ITGAE: variants seen among roughly 807,000 people sequenced by gnomAD.
The protein encoded by ITGAE is integrin alpha-E.
ITGAE carries 99 observed loss-of-function variants against 136.5 expected under a neutral mutation model. The ratio of observed to expected loss-of-function variants is 0.73; its 90% CI spans 0.62 to 0.86. ITGAE has a LOEUF of 0.86. ITGAE is among the 40% of genes least tolerant of loss of function. The pLI is 0.00. For missense variants in ITGAE, 1,447 were observed against 1,515.3 expected (o/e 0.95, Z 0.75); for synonymous variants, 613 against 591.8 (o/e 1.04, Z -0.52).
At chr17:3,773,124 T>C (rs1462578382) in intron 2 of ITGAE, among the ~76,000 whole-genome samples, 3 of 152,198 alleles carry the variant, frequency 2.0e-5, no homozygotes, top group Non-Finnish European at 4.4e-5. Context: ...TGGGACCCTT[T>C]CCTTGGGCTT....
chr17:3,723,586 A>G, intron 27 of ITGAE, 102 bp downstream of exon 27: 1 of 1,261,596 alleles, frequency 7.9e-7, no homozygotes, highest in Non-Finnish European at 1.1e-6. Context: ...AGCCCCCGGC[A>G]CTGGCCGGCA....
At chr17:3,774,937 C>T (rs1446884805) in intron 2 of ITGAE, among the ~76,000 whole-genome samples, 2 of 152,034 alleles carry the variant, frequency 1.3e-5, no homozygotes, top group Admixed American at 1.3e-4. Context: ...GCATATTTTA[C>T]TTACTTGCTT....
chr17:3,780,007 CTT>C (rs1353650683), intron 1 of ITGAE, among the ~76,000 whole-genome samples: 1 of 151,984 alleles, frequency 6.6e-6, no homozygotes, highest in Non-Finnish European at 1.5e-5. Flanking sequence ...GAGTTTCGCT[CTT>C]GTTGCCCAGG....
chr17:3,715,294 T>C (rs1209676808), intron 30 of ITGAE, among the ~76,000 whole-genome samples: 1 of 152,140 alleles, frequency 6.6e-6, no homozygotes, highest in African/African-American at 2.4e-5. Context: ...CAGAAGGAGA[T>C]CAAGTACAGC....
chr17:3,744,241 TC>T (rs1364910757), intron 18 of ITGAE, among the ~76,000 whole-genome samples: 1 of 152,050 alleles, frequency 6.6e-6, no homozygotes. Context: ...GAGTCAGAAG[TC>T]CTAAGCATCT....
rs745370062 is a variant in ITGAE, at chr17:3,757,158, G to C, written c.1021-24C>G. On this transcript the variant is annotated intron_variant, in intron 9 of 30. Transcript: ENST00000263087. ...ACCTGCACAGACAGCCTGGGTCAGC[G>C]AGTCAGCGCTGCGTGGATTCCCCAG... 7.4e-6 allele frequency: 12 copies of C among 1,611,046 alleles called. No homozygotes were observed. The African/African-American group carries it at 1.3e-4, about 18-fold the overall frequency.
chr17:3,744,467 G>C (rs910947669), intron 18 of ITGAE, among the ~76,000 whole-genome samples: 1 of 131,068 alleles, frequency 7.6e-6, no homozygotes, highest in African/African-American at 3.1e-5. Context: ...TTTTTTTTGA[G>C]ATGGAGTCTC....
chr17:3,731,657 A>G lies in ITGAE; in HGVS notation c.2755-474T>C, dbSNP rs368523442. ...GCGCCTGGCCCCGTTATTTCAGTTA[A>G]GCCTCAAATACAAATATGGAGTAAG... is the stretch of plus-strand genomic sequence containing the variant. On this transcript the variant is annotated intron_variant, in intron 22 of 30. Transcript: ENST00000263087. 1.8e-4 allele frequency among the ~76,000 whole-genome samples: 28 copies of G among 151,982 alleles called. No homozygotes were observed. The South Asian group carries it at 5.4e-3, about 29-fold the overall frequency.
Position 3,732,464 on chromosome 17 carries a change from A to G in ITGAE, c.2658T>C (p.Pro886=). 6.2e-7 allele frequency: 1 copy of G among 1,613,444 alleles called. No individual in the cohort carries two copies. The change falls in exon 22 of 31, where the codon CCT becomes CCC. Residue 886 remains proline, a splice_region_variant and synonymous_variant. Transcript: ENST00000263087. ...CATCACACTGAATGTTTGGAGAGGG[A>G]GGCTGTTAAAAGAGCAGATGACATT... ...RNLQLKRMQK[P]PSPNIQCDDP...
rs1487842221 is a variant in ITGAE at position 3,772,322 on chromosome 17, A to G, written c.155+5218T>C. Among the ~76,000 whole-genome samples the G allele has an allele frequency of 2.0e-5, 3 of 152,122 alleles. No individual in the cohort carries two copies. In the East Asian group the frequency reaches 5.8e-4, roughly 29 times the overall value. On this transcript the variant is annotated intron_variant, in intron 2 of 30. Coordinates refer to ENST00000263087, the MANE Select transcript of ITGAE (RefSeq NM_002208.5). Reference sequence around the variant, plus strand: ...TTTCCCTCATGAGCCCGGGAGCTCCATGAAGGCAGTGACCATGTCTCCCTC... The same window carrying G: ...TTTCCCTCATGAGCCCGGGAGCTCCGTGAAGGCAGTGACCATGTCTCCCTC...
At chr17:3,797,251 C>T (rs568012241) in intron 1 of ITGAE, among the ~76,000 whole-genome samples, 4 of 148,210 alleles carry the variant, frequency 2.7e-5, no homozygotes, top group East Asian at 2.0e-4. Context: ...CTGCAAGCTC[C>T]GCCTCCCGGG....
intron 28 of ITGAE, chr17:3,721,745 C>G (rs1157865942): frequency 6.6e-6 from 1 of 152,160 alleles, no homozygotes; most frequent in Non-Finnish European, 1.5e-5. Flanking sequence ...GAAGGCCTCT[C>G]TAAGAAAATA....
chr17:3,753,754 A>G, intron 13 of ITGAE, 29 bp downstream of exon 13: 1 of 1,613,194 alleles, frequency 6.2e-7, no homozygotes, highest in Non-Finnish European at 8.5e-7. Flanking sequence ...CATCGGTCAT[A>G]AGGGGTGGAG....
chr17:3,800,684 C>G (rs71366576), intron 1 of ITGAE, among the ~76,000 whole-genome samples: 1,915 of 152,330 alleles, frequency 0.013, 21 homozygotes, highest in Non-Finnish European at 0.016. Context: ...GGTCAACACT[C>G]TCTCACAGGG....
chr17:3,732,273 G>A (rs1489407263), intron 22 of ITGAE, 95 bp downstream of exon 22: 11 of 957,808 alleles, frequency 1.1e-5, no homozygotes, highest in African/African-American at 1.6e-5. Flanking sequence ...CAAGCGAAGC[G>A]CAAAGCTGGA....
intron 20 of ITGAE, among the ~76,000 whole-genome samples, chr17:3,737,695 G>A (rs548691450): frequency 7.9e-5 from 12 of 152,278 alleles, no homozygotes; most frequent in Non-Finnish European, 1.6e-4. Context: ...CAGAGGGCCC[G>A]GAATGCCAAA....
chr17:3,775,803 C>T (rs1156703080), intron 2 of ITGAE, among the ~76,000 whole-genome samples: 2 of 151,948 alleles, frequency 1.3e-5, no homozygotes, highest in Non-Finnish European at 2.9e-5. Context: ...GAGAATTTCT[C>T]TAGAGCTGGG....
intron 24 of ITGAE, among the ~76,000 whole-genome samples, chr17:3,728,671 C>T (rs2051272844): frequency 6.6e-6 from 1 of 150,508 alleles, no homozygotes; most frequent in Non-Finnish European, 1.5e-5. Flanking sequence ...CCGCACCTGG[C>T]CTTCTCTTTT....
Position 3,761,052 on chromosome 17 carries a change from C to A in ITGAE, c.559G>T (p.Asp187Tyr). Residue 187 changes from aspartate to tyrosine, a missense_variant, in exon 6 of 31, where the codon GAC (aspartate) becomes TAC (tyrosine). Physicochemically the swap from Asp to Tyr is radical, Grantham distance 160 (BLOSUM62 -3). Coordinates refer to ENST00000263087, the MANE Select transcript of ITGAE (RefSeq NM_002208.5). ...TCCTCGTCTTCCTCCTCCTCCTTGTCTTCCTCCTCCTCCTTCTCCAGAGCC... is the reference window on the plus strand; with the variant it reads ...TCCTCGTCTTCCTCCTCCTCCTTGTATTCCTCCTCCTCCTTCTCCAGAGCC... ...RRALEKEEEEDKEEEEDEEEE... is the reference protein window; with the variant it reads ...RRALEKEEEEYKEEEEDEEEE... 6.2e-7 allele frequency: 1 copy of A among 1,608,276 alleles called. No individual in the cohort carries two copies. The highest frequency in any genetic ancestry group is 8.5e-7 in the Non-Finnish European group (1 of 1,179,952).
Sources: gnomAD v4.1 joint callset for allele counts (sites outside exome capture counted in the v4.1 genomes callset) on GRCh38, gnomAD v4.1.1 for gene constraint, MANE v1.5 for transcripts, NCBI Gene and HGNC (gene_info 2026-07-23, HGNC 2026-07-21) for gene names.